TBC1D15: variants seen among roughly 807,000 people sequenced by gnomAD.
TBC1D15 encodes GAP for RAB7.
A neutral mutation model predicts 95.4 loss-of-function variants in TBC1D15; 39 were observed. That is an observed-to-expected ratio of 0.41 (90% confidence interval 0.32 to 0.53). The LOEUF is 0.53. TBC1D15 is among the 20% of genes least tolerant of loss of function. TBC1D15 has a pLI of 0.29. For missense variants in TBC1D15, 733 were observed against 794.3 expected, an observed-to-expected ratio of 0.92 and a Z score of 0.93; for synonymous variants, 258 against 261.3, an observed-to-expected ratio of 0.99 and a Z score of 0.12.
At position 71,894,740 on chromosome 12, in the gene TBC1D15, A is replaced by G. The variant is rs1489879684; in HGVS notation, c.712A>G (p.Asn238Asp). Residue 238 changes from asparagine to aspartate, a missense_variant, in exon 7 of 17, where the codon AAC (asparagine) becomes GAC (aspartate). By Grantham distance (23) the Asn-to-Asp change is conservative. Coordinates refer to ENST00000485960, the MANE Select transcript of TBC1D15 (RefSeq NM_001146213.3). ...TATGATAGGATTTTCCAAAGTCACA[A>G]ACTACATTTTTGACAGTTTGAGAGG... The part of the protein sequence containing the change: ...ATMIGFSKVT[N>D]YIFDSLRGSD... 1 of 1,613,248 alleles carries G rather than the reference A, an allele frequency of 6.2e-7. No individual in the cohort carries two copies. Among genetic ancestry groups the G allele is most frequent in the Non-Finnish European group, 8.5e-7 (1 of 1,179,388 alleles).
rs750633399 is a variant in TBC1D15, at chr12:71,923,075, C to T, written c.1896C>T (p.Val632=). The T allele has an allele frequency of 6.2e-7, 1 of 1,614,176 alleles. No homozygotes were observed. The highest frequency in any genetic ancestry group is 8.5e-7 in the Non-Finnish European group (1 of 1,180,016). ...DSDVGEDENV[V]MTPCPTSAFQ... ...ACGTTGGTGAAGACGAAAATGTTGT[C>T]ATGACTCCTTGTCCTACATCTGCAT... Residue 632 remains valine, a synonymous_variant, in exon 17 of 17, where the codon GTC becomes GTT. Coordinates refer to ENST00000485960, the MANE Select transcript of TBC1D15 (RefSeq NM_001146213.3).
intron 1 of TBC1D15, among the ~76,000 whole-genome samples, chr12:71,866,404 G>A (rs1028089780): frequency 7.9e-5 from 12 of 152,210 alleles, no homozygotes; most frequent in African/African-American, 2.7e-4. Flanking sequence ...AAGTCTGTAG[G>A]TGTCTAAGTT....
intron 11 of TBC1D15, among the ~76,000 whole-genome samples, chr12:71,912,250 A>T (rs957265528): frequency 6.6e-6 from 1 of 152,088 alleles, no homozygotes; most frequent in African/African-American, 2.4e-5. Flanking sequence ...GTAAATTTAG[A>T]TACCTTGTTG....
chr12:71,847,997 T>C (rs987266737), intron 1 of TBC1D15, among the ~76,000 whole-genome samples: 3 of 152,062 alleles, frequency 2.0e-5, no homozygotes, highest in Admixed American at 6.6e-5. Flanking sequence ...CTCGGGAGGC[T>C]GAGACAGGAG....
At chr12:71,876,393 C>CTT (rs1893825399) in intron 3 of TBC1D15, among the ~76,000 whole-genome samples, 1 of 152,112 alleles carries the variant, frequency 6.6e-6, no homozygotes, top group South Asian at 2.1e-4. Flanking sequence ...CCTTGAAACT[C>CTT]TTGCTCAGTT....
intron 8 of TBC1D15, 137 bp from the exon 9 acceptor site, chr12:71,896,540 A>G (rs962657124): frequency 1.4e-6 from 1 of 702,272 alleles, no homozygotes; most frequent in South Asian, 2.0e-5. Context: ...AAACAAGATG[A>G]TATTCACTGA....
chr12:71,845,242 G>A (rs955655379), intron 1 of TBC1D15, among the ~76,000 whole-genome samples: 1 of 152,056 alleles, frequency 6.6e-6, no homozygotes, highest in Non-Finnish European at 1.5e-5. Flanking sequence ...GCCCCTGTGT[G>A]GTATAACCAG....
At chr12:71,853,744 T>C (rs1441371153) in intron 1 of TBC1D15, among the ~76,000 whole-genome samples, 2 of 152,288 alleles carry the variant, frequency 1.3e-5, no homozygotes, top group South Asian at 2.1e-4. Context: ...TTGGGTACTT[T>C]TGGGTCTTGC....
intron 1 of TBC1D15, among the ~76,000 whole-genome samples, chr12:71,845,110 G>C (rs1885976328): frequency 1.3e-5 from 2 of 152,186 alleles, no homozygotes; most frequent in African/African-American, 4.8e-5. Context: ...CTGAAAAAAG[G>C]TACAAAGCTT....
chr12:71,897,402 C>T, intron 9 of TBC1D15: 1 of 159,428 alleles, frequency 6.3e-6, no homozygotes, highest in Non-Finnish European at 1.4e-5. Flanking sequence ...TTTACCAGTT[C>T]TTCTAAGACA....
Position 71,921,496 on chromosome 12 carries a change from G to C in TBC1D15, c.1803+42G>C, listed in dbSNP as rs565661248. 8 of 1,246,996 alleles carry C rather than the reference G, an allele frequency of 6.4e-6. No individual in the cohort carries two copies. In the South Asian group the frequency reaches 1.5e-4, roughly 24 times the overall value. 77.2% of individuals were successfully genotyped at this position (1,246,996 alleles called of 1,614,324 possible). On this transcript the variant is annotated intron_variant, in intron 16 of 16. Coordinates refer to ENST00000485960, the MANE Select transcript of TBC1D15 (RefSeq NM_001146213.3). ...GTAATTGCAAGATTTGTTTGTTTTT[G>C]GTGGGTTGAGATCAAGAAAGATTTT...
intron 1 of TBC1D15, among the ~76,000 whole-genome samples, chr12:71,857,773 A>G (rs964852013): frequency 2.5e-4 from 38 of 152,226 alleles, no homozygotes; most frequent in African/African-American, 9.2e-4. Flanking sequence ...ATAGTGCTGT[A>G]GAACGTTAGA....
chr12:71,840,715 T>TC (rs1284648212), intron 1 of TBC1D15, among the ~76,000 whole-genome samples: 8 of 152,178 alleles, frequency 5.3e-5, no homozygotes, highest in African/African-American at 1.9e-4. Flanking sequence ...CGTCCTCTGT[T>TC]CCTTGAGTTT....
rs766654769 is a variant in TBC1D15, at chr12:71,872,933, C to G, written c.134C>G (p.Ala45Gly). 2 of 1,601,082 alleles carry G rather than the reference C, an allele frequency of 1.2e-6. No homozygotes were observed. The highest frequency in any genetic ancestry group is 3.5e-5 in the Admixed American group (2 of 57,804). The change falls in exon 3 of 17, where the codon GCC (alanine) becomes GGC (glycine). Residue 45 changes from alanine to glycine, a missense_variant. Transcript: ENST00000485960. ...SGILRVLEKDAEVIVDWRPLD... is the reference protein window; with the variant it reads ...SGILRVLEKDGEVIVDWRPLD... ...GTTCATAATTTCTTTCTCTAGGATG[C>G]CGAAGTAATAGTGGACTGGAGACCA...
rs762120849 is a variant in TBC1D15, at chr12:71,896,003, A to G, written c.912A>G (p.Glu304=). The G allele has an allele frequency of 2.5e-6, 4 of 1,612,710 alleles. No individual in the cohort carries two copies. The African/African-American group carries it at 5.3e-5, about 22-fold the overall frequency. The stretch of plus-strand genomic sequence containing the variant: ...GGAGAGAACCGGTATCACTGGAAGA[A>G]TGGACTAAGAACATTGATTCTGAAG... The part of the protein sequence containing the change: ...VQRREPVSLE[E]WTKNIDSEGR... Residue 304 remains glutamate (E), a synonymous_variant, in exon 8 of 17, where the codon GAA becomes GAG. Coordinates refer to ENST00000485960, the MANE Select transcript of TBC1D15 (RefSeq NM_001146213.3).
chr12:71,854,368 C>G (rs1486492838), intron 1 of TBC1D15, among the ~76,000 whole-genome samples: 6 of 152,042 alleles, frequency 3.9e-5, no homozygotes, highest in Non-Finnish European at 7.4e-5. Flanking sequence ...TTTTTCCTTT[C>G]TGTTTTTGGT....
intron 6 of TBC1D15, chr12:71,894,259 A>C (rs887162197): frequency 1.9e-5 from 25 of 1,334,032 alleles, no homozygotes; most frequent in Non-Finnish European, 2.5e-5. Flanking sequence ...AAATTTAGCC[A>C]TCAAATATTT....
intron 11 of TBC1D15, 193 bp downstream of exon 11, chr12:71,907,331 G>A: frequency 2.6e-6 from 1 of 379,098 alleles, no homozygotes; most frequent in African/African-American, 2.0e-5. Context: ...CAAACTAACA[G>A]GAGCACCATG....
intron 11 of TBC1D15, among the ~76,000 whole-genome samples, chr12:71,909,024 G>T (rs1422039757): frequency 6.6e-6 from 1 of 152,154 alleles, no homozygotes; most frequent in African/African-American, 2.4e-5. Flanking sequence ...TCTCTCAGAT[G>T]GTAATTTTGA....
Sources: allele counts gnomAD v4.1 joint callset (sites outside exome capture counted in the v4.1 genomes callset), GRCh38; gene constraint gnomAD v4.1.1; transcripts MANE v1.5; gene names NCBI Gene and HGNC (gene_info 2026-07-23, HGNC 2026-07-21).